Variants in THEMIS observed in about 807,000 individuals in gnomAD.
The protein encoded by THEMIS is thymocyte selection associated, also known as protein THEMIS.
A neutral mutation model predicts 52.6 loss-of-function variants in THEMIS; 37 were observed. The ratio of observed to expected loss-of-function variants is 0.70; its 90% CI spans 0.54 to 0.93. The LOEUF (loss-of-function observed/expected upper bound fraction) is 0.93. Ranked by LOEUF, THEMIS falls within the 40% of genes least tolerant of loss-of-function variation. The pLI, the probability that THEMIS is intolerant of heterozygous loss-of-function variation, is 0.00. For missense variants in THEMIS, 808 were observed against 763.1 expected, an observed-to-expected ratio of 1.06 and a Z score of -0.69; for synonymous variants, 292 against 272.7, an observed-to-expected ratio of 1.07 and a Z score of -0.70.
downstream of THEMIS, among the ~76,000 whole-genome samples, chr6:127,707,210 G>T (rs1393978125): frequency 2.0e-5 from 3 of 152,098 alleles, no homozygotes; most frequent in Non-Finnish European, 4.4e-5. Flanking sequence ...GACACATGGG[G>T]ATTATGGGAA....
chr6:127,696,944 G>C, the THEMIS span, among the ~76,000 whole-genome samples: 1 of 151,902 alleles, frequency 6.6e-6, no homozygotes, highest in Non-Finnish European at 1.5e-5. Flanking sequence ...GGATGTGAAG[G>C]CTTCAATATA....
intron 4 of THEMIS, among the ~76,000 whole-genome samples, chr6:127,768,930 C>G (rs1271986711): frequency 2.0e-5 from 3 of 152,178 alleles, no homozygotes; most frequent in South Asian, 4.1e-4. Context: ...AAGATCAACA[C>G]TGATGATCTT....
chr6:127,836,628 G>A (rs906840041), intron 2 of THEMIS, among the ~76,000 whole-genome samples: 1 of 152,270 alleles, frequency 6.6e-6, no homozygotes, highest in South Asian at 2.1e-4. Flanking sequence ...AAAGAAAACT[G>A]AATTTTTGTT....
chr6:127,829,455 T>G lies in THEMIS; in HGVS notation c.709+21A>C, dbSNP rs377285722. 6 of 1,562,162 alleles carry G rather than the reference T, an allele frequency of 3.8e-6. No individual in the cohort carries two copies. In the African/African-American group the frequency reaches 5.5e-5, roughly 14 times the overall value. The stretch of plus-strand genomic sequence containing the variant: ...CCATAATGCTCATGCTCATAGAACA[T>G]CATTCTCAGTGGATACTCACATTTC... On this transcript the variant is annotated intron_variant, in intron 3 of 5. Transcript: ENST00000368248.
chr6:127,769,415 T>C (rs1250732985), intron 4 of THEMIS, among the ~76,000 whole-genome samples: 1 of 151,384 alleles, frequency 6.6e-6, no homozygotes, highest in Non-Finnish European at 1.5e-5. Context: ...TACAATATGT[T>C]CTTTGCTTTT....
At position 127,862,428 on chromosome 6, in the gene THEMIS, ATT is replaced by A. The variant is rs71028110; in HGVS notation, c.92-7242_92-7241del. Among the ~76,000 whole-genome samples, 128 of 72,774 alleles carry A rather than the reference ATT, an allele frequency of 1.8e-3. 1 individual carries two copies. The South Asian group carries it at 0.022, about 13-fold the overall frequency. The allele number at this position is 72,774 out of a possible 152,430, so 47.7% of individuals were successfully genotyped here. ...GCAGGTGAAATCTCCTAGGGAGTAA[ATT>A]TTTTTTTTTTTTTTTTTTTTGCTCT... On this transcript the variant is annotated intron_variant, in intron 1 of 5. Coordinates refer to ENST00000368248, the MANE Select transcript of THEMIS (RefSeq NM_001010923.3).
At chr6:127,732,307 T>A (rs1171627885) in intron 4 of THEMIS, among the ~76,000 whole-genome samples, 1 of 152,176 alleles carries the variant, frequency 6.6e-6, no homozygotes, top group Admixed American at 6.5e-5. Flanking sequence ...GGTTCATTCA[T>A]CTGTATTTTT....
At chr6:127,796,091 C>T (rs532255038) in intron 4 of THEMIS, among the ~76,000 whole-genome samples, 3 of 152,096 alleles carry the variant, frequency 2.0e-5, no homozygotes, top group Admixed American at 6.5e-5. Flanking sequence ...TATAGTGGAT[C>T]TGATTTCAAG....
chr6:127,771,882 A>G (rs1054110190), intron 4 of THEMIS, among the ~76,000 whole-genome samples: 12 of 152,112 alleles, frequency 7.9e-5, no homozygotes, highest in African/African-American at 2.9e-4. Flanking sequence ...TCAGTATGGC[A>G]CATGTGCATC....
chr6:127,736,199 T>C (rs1774998972), intron 4 of THEMIS, among the ~76,000 whole-genome samples: 1 of 152,216 alleles, frequency 6.6e-6, no homozygotes, highest in Admixed American at 6.5e-5. Context: ...GTTTTAGTGA[T>C]ACATGTTTAA....
At chr6:127,879,859 C>G (rs1340096195) in intron 1 of THEMIS, among the ~76,000 whole-genome samples, 1 of 151,956 alleles carries the variant, frequency 6.6e-6, no homozygotes, top group East Asian at 1.9e-4. Context: ...GCCACTTCCA[C>G]AGTTTGGTAT....
chr6:127,900,934 G>T lies in THEMIS; in HGVS notation c.-2C>A, dbSNP rs568474640. The T allele has an allele frequency of 6.2e-7, 1 of 1,612,266 alleles. No individual in the cohort carries two copies. The highest frequency in any genetic ancestry group is 1.3e-5 in the African/African-American group (1 of 74,936). On this transcript the variant is annotated 5_prime_UTR_variant, in exon 1 of 6. Coordinates refer to ENST00000368248, the MANE Select transcript of THEMIS (RefSeq NM_001010923.3). ...GAATTCTTCCAGTGATAATGCCATTGCTATGCCTTGGGTAGTTTGTAGACC... is the reference window on the plus strand; with the variant it reads ...GAATTCTTCCAGTGATAATGCCATTTCTATGCCTTGGGTAGTTTGTAGACC...
intron 5 of THEMIS, among the ~76,000 whole-genome samples, chr6:127,718,527 T>C (rs2114480112): frequency 6.6e-6 from 1 of 152,070 alleles, no homozygotes; most frequent in African/African-American, 2.4e-5. Context: ...TGTTTCCCTC[T>C]GATTGAAACA....
chr6:127,905,849 CA>C (rs1394264987), upstream of THEMIS, among the ~76,000 whole-genome samples: 1 of 150,246 alleles, frequency 6.7e-6, no homozygotes, highest in East Asian at 2.0e-4. Context: ...TTAATTAATC[CA>C]AAAAAGACGA....
chr6:127,716,974 G>C (rs917947392), intron 5 of THEMIS, among the ~76,000 whole-genome samples: 1 of 151,872 alleles, frequency 6.6e-6, no homozygotes, highest in Non-Finnish European at 1.5e-5. Context: ...ACATTTCCAA[G>C]AGCATACTGC....
Position 127,816,145 on chromosome 6 carries a change from T to C in THEMIS, c.710-2214A>G, listed in dbSNP as rs184004197. Among the ~76,000 whole-genome samples the C allele has an allele frequency of 1.9e-3, 286 of 152,294 alleles. 1 individual carries two copies. The highest frequency in any genetic ancestry group is 4.1e-3 in the Admixed American group (62 of 15,300). On this transcript the variant is annotated intron_variant, in intron 3 of 5. Coordinates refer to ENST00000368248, the MANE Select transcript of THEMIS (RefSeq NM_001010923.3). ...GTGGATTAGACTCCCTCCTCTTTGA[T>C]ACATTTTTCTCACTTGCTTTCCCCT...
chr6:127,755,045 T>C (rs1206138448), intron 4 of THEMIS, among the ~76,000 whole-genome samples: 1 of 152,174 alleles, frequency 6.6e-6, no homozygotes, highest in East Asian at 1.9e-4. Context: ...AAAAACTATT[T>C]GGCAGCTTAT....
chr6:127,869,191 G>C (rs1376740884), intron 1 of THEMIS, among the ~76,000 whole-genome samples: 2 of 152,080 alleles, frequency 1.3e-5, no homozygotes, highest in Admixed American at 1.3e-4. Context: ...ACTTACCATA[G>C]GGTTACATCC....
intron 1 of THEMIS, among the ~76,000 whole-genome samples, chr6:127,873,264 A>C (rs1478683896): frequency 1.3e-5 from 2 of 152,156 alleles, no homozygotes; most frequent in African/African-American, 4.8e-5. Context: ...CATTTTTGTA[A>C]ATTTTTTGTA....
Sources: allele counts gnomAD v4.1 joint callset (sites outside exome capture counted in the v4.1 genomes callset), GRCh38; gene constraint gnomAD v4.1.1; transcripts MANE v1.5; gene names NCBI Gene and HGNC (gene_info 2026-07-23, HGNC 2026-07-21).